RSPRY1: variants seen among roughly 807,000 people sequenced by gnomAD.
The protein encoded by RSPRY1 is RING finger and SPRY domain-containing protein 1.
In RSPRY1, 23 loss-of-function variants were observed where a neutral mutation model predicts 73.1. The observed-to-expected ratio is 0.31, with a 90% confidence interval of 0.23 to 0.45. The LOEUF is 0.45. Among genes scored for constraint, RSPRY1 ranks in the 20% least tolerant of loss-of-function variants. The pLI, the probability that RSPRY1 is intolerant of heterozygous loss-of-function variation, is 1.00. For synonymous variants in RSPRY1, 226 were observed against 251.4 expected (o/e 0.90, Z 0.95); for missense variants, 448 against 698.7 (o/e 0.64, Z 4.05).
At chr16:57,226,497 A>C (rs1194448420) in intron 10 of RSPRY1, among the ~76,000 whole-genome samples, 1 of 152,206 alleles carries the variant, frequency 6.6e-6, no homozygotes, top group Non-Finnish European at 1.5e-5. Context: ...TGGGAAAGGG[A>C]CAGGCAATTC....
intron 13 of RSPRY1, among the ~76,000 whole-genome samples, chr16:57,234,150 GCCT>G (rs2075267865): frequency 2.6e-5 from 4 of 151,972 alleles, no homozygotes; most frequent in African/African-American, 9.7e-5. Context: ...AGCCACCCTG[GCCT>G]CCTTGCTGCT....
chr16:57,214,756 C>T (rs754545223), intron 6 of RSPRY1, among the ~76,000 whole-genome samples: 7 of 152,198 alleles, frequency 4.6e-5, no homozygotes, highest in African/African-American at 7.2e-5. Context: ...GGGCCGGGCA[C>T]GGTGGCTCAT....
At chr16:57,214,151 G>C (rs1205214115) in intron 6 of RSPRY1, among the ~76,000 whole-genome samples, 1 of 152,160 alleles carries the variant, frequency 6.6e-6, no homozygotes, top group Non-Finnish European at 1.5e-5. Flanking sequence ...ATCCCAACCA[G>C]CAAAAACAGC....
intron 6 of RSPRY1, among the ~76,000 whole-genome samples, chr16:57,214,459 G>A (rs2071672198): frequency 6.6e-6 from 1 of 152,204 alleles, no homozygotes; most frequent in South Asian, 2.1e-4. Context: ...CTGGCCTGTG[G>A]TCTTGAATGG....
At chr16:57,197,476 C>T (rs114027873) in intron 1 of RSPRY1, among the ~76,000 whole-genome samples, 1 of 151,994 alleles carries the variant, frequency 6.6e-6, no homozygotes, top group African/African-American at 2.4e-5. Context: ...CTTCTTTACA[C>T]TTGGTTTTCA....
intron 8 of RSPRY1, among the ~76,000 whole-genome samples, chr16:57,218,731 T>TAGGTTGATTCCAAATCTTGGCTA (rs1288947442): frequency 2.9e-4 from 30 of 102,406 alleles, no homozygotes; most frequent in South Asian, 8.5e-4. Context: ...TTTTTTTTTT[T>TAGGTTGATTCCAAATCTTGGCTA]TTTTTTTTTT....
chr16:57,200,080 A>C (rs1465129556), intron 1 of RSPRY1, among the ~76,000 whole-genome samples: 2 of 147,456 alleles, frequency 1.4e-5, no homozygotes, highest in African/African-American at 5.1e-5. Context: ...GTCCCTGGGT[A>C]CTTGAGATTA....
At chr16:57,232,869 C>G (rs574450082) in intron 13 of RSPRY1, among the ~76,000 whole-genome samples, 2 of 152,192 alleles carry the variant, frequency 1.3e-5, no homozygotes, top group African/African-American at 4.8e-5. Context: ...TATGCTGTCT[C>G]TAGACTGTTT....
intron 10 of RSPRY1, among the ~76,000 whole-genome samples, chr16:57,223,609 C>T (rs1185780461): frequency 6.6e-6 from 1 of 152,020 alleles, no homozygotes; most frequent in Admixed American, 6.6e-5. Context: ...CCCGTCTCTA[C>T]TGAATATAAA....
At position 57,201,730 on chromosome 16, in the gene RSPRY1, G is replaced by A. The variant is rs1009601142; in HGVS notation, c.-155-2774G>A. Among the ~76,000 whole-genome samples, 3 of 152,246 alleles carry A rather than the reference G, an allele frequency of 2.0e-5. No homozygotes were observed. In the South Asian group the frequency reaches 6.2e-4, roughly 31 times the overall value. ...CCGGCACCTCGGGAGGCCAAGGCTG[G>A]CGGATCACTCGCGGTTAGGAGCTGG... On this transcript the variant is annotated intron_variant, in intron 1 of 14. Coordinates refer to ENST00000394420, the MANE Select transcript of RSPRY1 (RefSeq NM_133368.3).
At chr16:57,200,839 G>T (rs1490477891) in intron 1 of RSPRY1, among the ~76,000 whole-genome samples, 1 of 124,004 alleles carries the variant, frequency 8.1e-6, no homozygotes, top group Non-Finnish European at 1.7e-5. Context: ...GGGCAGAGGC[G>T]CCCCTCACCT....
chr16:57,225,331 A>C (rs1465424113), intron 10 of RSPRY1, among the ~76,000 whole-genome samples: 2 of 152,210 alleles, frequency 1.3e-5, no homozygotes, highest in East Asian at 1.9e-4. Context: ...AATTACAGGC[A>C]TGAGCCACTG....
intron 2 of RSPRY1, among the ~76,000 whole-genome samples, chr16:57,206,251 T>G (rs1033284420): frequency 3.9e-5 from 6 of 152,040 alleles, no homozygotes; most frequent in African/African-American, 1.4e-4. Context: ...AAAAAAAATT[T>G]AAAAATTATC....
chr16:57,234,165 C>T (rs2075268228), intron 13 of RSPRY1, among the ~76,000 whole-genome samples: 1 of 152,154 alleles, frequency 6.6e-6, no homozygotes. Flanking sequence ...CTTGCTGCTC[C>T]TGAAACACAC....
At position 57,196,699 on chromosome 16, in the gene RSPRY1, G is replaced by A. The variant is rs185025571; in HGVS notation, c.-155-7805G>A. Among the ~76,000 whole-genome samples, 54 of 152,196 alleles carry A rather than the reference G, an allele frequency of 3.5e-4. 2 individuals carry two copies. The highest frequency in any genetic ancestry group is 3.3e-3 in the East Asian group (17 of 5,182). ...AAAAGTAAAAATTACTTCAGTACGG[G>A]GTAGTTCTGTAAAAGATAAATTCTT... On this transcript the variant is annotated intron_variant, in intron 1 of 14. Transcript: ENST00000394420.
chr16:57,235,419 A>C lies in RSPRY1; in HGVS notation c.1634+191A>C, dbSNP rs142504176. Among the ~76,000 whole-genome samples the C allele has an allele frequency of 3.7e-3, 571 of 152,322 alleles. 5 individuals are homozygous for C. Among genetic ancestry groups the C allele is most frequent in the African/African-American group, 0.013 (547 of 41,568 alleles). ...ATGTGGAAGGCTGTTTTGTTTACTC[A>C]GTACTGTATTTTTGATACAATTTTG... On this transcript the variant is annotated intron_variant, in intron 14 of 14. Coordinates refer to ENST00000394420, the MANE Select transcript of RSPRY1 (RefSeq NM_133368.3).
chr16:57,214,795 G>A (rs780701416), intron 6 of RSPRY1, among the ~76,000 whole-genome samples: 6 of 152,244 alleles, frequency 3.9e-5, no homozygotes, highest in Non-Finnish European at 7.3e-5. Context: ...TTGGGAGGCT[G>A]AGGTGGGCTG....
chr16:57,233,967 A>T (rs1310593612), intron 13 of RSPRY1, among the ~76,000 whole-genome samples: 3 of 152,194 alleles, frequency 2.0e-5, no homozygotes, highest in Non-Finnish European at 4.4e-5. Context: ...AACGTAAGTC[A>T]GATCACACAC....
chr16:57,214,456 G>T (rs1198073214), intron 6 of RSPRY1, among the ~76,000 whole-genome samples: 1 of 152,198 alleles, frequency 6.6e-6, no homozygotes, highest in East Asian at 1.9e-4. Context: ...GTTCTGGCCT[G>T]TGGTCTTGAA....
Sources: gnomAD v4.1 joint callset for allele counts (sites outside exome capture counted in the v4.1 genomes callset) on GRCh38, gnomAD v4.1.1 for gene constraint, MANE v1.5 for transcripts, NCBI Gene and HGNC (gene_info 2026-07-23, HGNC 2026-07-21) for gene names.